CDH12: variants seen among roughly 807,000 people sequenced by gnomAD.
CDH12 encodes the protein cadherin-12.
Under a neutral mutation model 74.1 loss-of-function variants are expected in CDH12, and 41 were observed. That is an observed-to-expected ratio of 0.55 (90% confidence interval 0.43 to 0.72). CDH12 has a LOEUF of 0.72. CDH12 is among the 30% of genes least tolerant of loss of function. The pLI, the probability that CDH12 is intolerant of heterozygous loss-of-function variation, is 0.00. For synonymous variants in CDH12, 399 were observed against 355.0 expected (o/e 1.12, Z -1.39); for missense variants, 945 against 977.2 (o/e 0.97, Z 0.44).
chr5:22,263,828 A>G (rs1335446871), intron 3 of CDH12, among the ~76,000 whole-genome samples: 1 of 152,082 alleles, frequency 6.6e-6, no homozygotes, highest in African/African-American at 2.4e-5. Flanking sequence ...GGAAACTTTG[A>G]GTTAGCAAAT....
intron 5 of CDH12, among the ~76,000 whole-genome samples, chr5:21,979,050 C>G (rs1484800071): frequency 6.6e-6 from 1 of 152,010 alleles, no homozygotes; most frequent in East Asian, 1.9e-4. Context: ...GTCATGTTCA[C>G]TGTAAAAAAA....
At chr5:22,544,728 C>T (rs1160966596) in intron 1 of CDH12, among the ~76,000 whole-genome samples, 1 of 151,772 alleles carries the variant, frequency 6.6e-6, no homozygotes, top group Admixed American at 6.6e-5. Context: ...GAAGAACAAG[C>T]ACTACTTGAG....
intron 2 of CDH12, among the ~76,000 whole-genome samples, chr5:22,417,494 C>T (rs73060105): frequency 0.012 from 1,753 of 152,244 alleles, 27 homozygotes; most frequent in African/African-American, 0.04. Context: ...TATGGGATGA[C>T]GTAGCAAGAA....
At chr5:21,788,164 T>C (rs1422120583) in intron 10 of CDH12, among the ~76,000 whole-genome samples, 1 of 152,142 alleles carries the variant, frequency 6.6e-6, no homozygotes, top group Non-Finnish European at 1.5e-5. Flanking sequence ...ACTGTTTCAA[T>C]GCCTGAAAGA....
At chr5:22,261,783 A>C (rs1015276092) in intron 3 of CDH12, among the ~76,000 whole-genome samples, 20 of 38,876 alleles carry the variant, frequency 5.1e-4, no homozygotes, top group Middle Eastern at 0.014. Context: ...GGAGAGAAAG[A>C]AAGCCAAAAA....
intron 6 of CDH12, among the ~76,000 whole-genome samples, chr5:21,856,219 C>T (rs1366689855): frequency 6.6e-6 from 1 of 151,620 alleles, no homozygotes; most frequent in African/African-American, 2.4e-5. Context: ...ATTAAAGATT[C>T]ATTAAAACTA....
intron 3 of CDH12, among the ~76,000 whole-genome samples, chr5:22,236,891 G>GTCT (rs1342735663): frequency 1.3e-5 from 2 of 151,996 alleles, no homozygotes; most frequent in African/African-American, 4.8e-5. Context: ...TGGAGCCATT[G>GTCT]TCTCCTATAA....
At chr5:22,187,688 A>T (rs71609282) in intron 4 of CDH12, among the ~76,000 whole-genome samples, 45,375 of 148,316 alleles carry the variant, frequency 0.31, 7,431 homozygotes, top group South Asian at 0.38. Flanking sequence ...AAAAAACTAC[A>T]TTTAGCAACC....
chr5:22,407,401 C>A (rs1246858936), intron 2 of CDH12, among the ~76,000 whole-genome samples: 1 of 152,056 alleles, frequency 6.6e-6, no homozygotes, highest in Non-Finnish European at 1.5e-5. Context: ...TTAAAATCCA[C>A]TTCATTTTCT....
At chr5:22,459,287 TATA>T (rs1341851324) in intron 2 of CDH12, among the ~76,000 whole-genome samples, 15 of 152,304 alleles carry the variant, frequency 9.8e-5, no homozygotes, top group South Asian at 2.1e-4. Context: ...GTACCACTCC[TATA>T]ATATTTTATT....
At chr5:22,788,894 T>A (rs891747288) in intron 1 of CDH12, among the ~76,000 whole-genome samples, 7 of 151,860 alleles carry the variant, frequency 4.6e-5, no homozygotes, top group African/African-American at 9.7e-5. Context: ...GTCCACATTT[T>A]TCAGTCCATG....
At chr5:22,475,931 T>C (rs1168007821) in intron 2 of CDH12, among the ~76,000 whole-genome samples, 1 of 152,048 alleles carries the variant, frequency 6.6e-6, no homozygotes, top group Non-Finnish European at 1.5e-5. Context: ...CTTTGAACCA[T>C]CTATATACTA....
At chr5:22,838,329 A>G (rs1459786666) in intron 1 of CDH12, among the ~76,000 whole-genome samples, 1 of 152,140 alleles carries the variant, frequency 6.6e-6, no homozygotes, top group African/African-American at 2.4e-5. Context: ...TTTCTTGCCA[A>G]CTTTGACTGG....
At chr5:22,361,909 C>T (rs935925749) in intron 3 of CDH12, among the ~76,000 whole-genome samples, 1 of 152,104 alleles carries the variant, frequency 6.6e-6, no homozygotes, top group Non-Finnish European at 1.5e-5. Flanking sequence ...CCCTTCCTTA[C>T]ACCTTATACA....
At chr5:22,519,570 C>A (rs1736959316) in intron 1 of CDH12, among the ~76,000 whole-genome samples, 1 of 151,810 alleles carries the variant, frequency 6.6e-6, no homozygotes, top group Non-Finnish European at 1.5e-5. Flanking sequence ...ACTACAGGCG[C>A]CCGTCACCAC....
At chr5:22,647,716 A>G (rs1362771733) in intron 1 of CDH12, among the ~76,000 whole-genome samples, 1 of 151,924 alleles carries the variant, frequency 6.6e-6, no homozygotes, top group East Asian at 1.9e-4. Flanking sequence ...GGACTTCAAC[A>G]TATGAATTTT....
At chr5:22,070,719 T>C (rs1180051828) in intron 5 of CDH12, among the ~76,000 whole-genome samples, 1 of 152,160 alleles carries the variant, frequency 6.6e-6, no homozygotes, top group African/African-American at 2.4e-5. Context: ...TTAGCACAGA[T>C]TTTTTCACAT....
At chr5:21,884,435 C>G in intron 6 of CDH12, 1 of 829,764 alleles carries the variant, frequency 1.2e-6, no homozygotes, top group Non-Finnish European at 2.1e-6. Flanking sequence ...CTGAAAATCA[C>G]TATAACCATC....
chr5:22,531,302 C>T (rs1360176290), intron 1 of CDH12, among the ~76,000 whole-genome samples: 4 of 151,976 alleles, frequency 2.6e-5, no homozygotes, highest in African/African-American at 7.3e-5. Context: ...GCCATAATAC[C>T]ATCTTAGTGT....
Sources: allele counts gnomAD v4.1 joint callset (sites outside exome capture counted in the v4.1 genomes callset), GRCh38; gene constraint gnomAD v4.1.1; transcripts MANE v1.5; gene names NCBI Gene and HGNC (gene_info 2026-07-23, HGNC 2026-07-21).